CENPP: variants seen among roughly 807,000 people sequenced by gnomAD.
CENPP encodes the protein centromere protein P.
Under a neutral mutation model 35.6 loss-of-function variants are expected in CENPP, and 24 were observed. That is an observed-to-expected ratio of 0.67 (90% confidence interval 0.49 to 0.95). The LOEUF is 0.95. CENPP is among the 40% of genes least tolerant of loss of function. The pLI is 0.00. For missense variants in CENPP, 332 were observed against 345.3 expected (o/e 0.96, Z 0.31); for synonymous variants, 120 against 125.5 (o/e 0.96, Z 0.29).
intron 5 of CENPP, among the ~76,000 whole-genome samples, chr9:92,537,067 G>T (rs1292074121): frequency 6.6e-6 from 1 of 151,294 alleles, no homozygotes; most frequent in Non-Finnish European, 1.5e-5. Context: ...GTAGAGATGG[G>T]GTTTCACCAT....
intron 5 of CENPP, chr9:92,495,744 C>T (rs530585586): frequency 7.3e-5 from 68 of 932,612 alleles, no homozygotes; most frequent in Non-Finnish European, 8.3e-5. Context: ...ATTAACATTA[C>T]AGTAGTGTTT....
At chr9:92,367,909 C>T (rs1841926666) in intron 4 of CENPP, among the ~76,000 whole-genome samples, 1 of 152,204 alleles carries the variant, frequency 6.6e-6, no homozygotes, top group Non-Finnish European at 1.5e-5. Flanking sequence ...AGACAGCGCA[C>T]CTGGCCTATA....
intron 5 of CENPP, chr9:92,600,651 G>A (rs768079783): frequency 2.3e-4 from 328 of 1,429,014 alleles, no homozygotes; most frequent in Non-Finnish European, 3.0e-4. Flanking sequence ...CCCTTCTGGT[G>A]GGGGTTGTGT....
intron 5 of CENPP, chr9:92,494,192 G>A (rs1472059323): frequency 1.3e-6 from 2 of 1,579,364 alleles, no homozygotes; most frequent in Non-Finnish European, 1.7e-6. Flanking sequence ...GAATCGTTTA[G>A]TATCTGTCTC....
At chr9:92,565,431 G>A (rs544529214) in intron 5 of CENPP, among the ~76,000 whole-genome samples, 31 of 152,072 alleles carry the variant, frequency 2.0e-4, no homozygotes, top group African/African-American at 6.8e-4. Flanking sequence ...TGTTCTACAG[G>A]AAGACTAGGT....
At chr9:92,479,091 C>G (rs1042090277) in intron 5 of CENPP, among the ~76,000 whole-genome samples, 1 of 152,078 alleles carries the variant, frequency 6.6e-6, no homozygotes, top group Admixed American at 6.6e-5. Context: ...AGATGAGGAA[C>G]TGGATCAGGT....
At chr9:92,447,275 C>G (rs1844577815) in intron 5 of CENPP, among the ~76,000 whole-genome samples, 1 of 151,872 alleles carries the variant, frequency 6.6e-6, no homozygotes, top group Non-Finnish European at 1.5e-5. Flanking sequence ...AGATCACCAT[C>G]ATGTAGAATC....
chr9:92,442,398 C>CAAAAAA (rs71362387), intron 5 of CENPP, among the ~76,000 whole-genome samples: 2 of 74,490 alleles, frequency 2.7e-5, no homozygotes, highest in African/African-American at 4.4e-5. Flanking sequence ...AACTCTGTCT[C>CAAAAAA]AAAAAAAAAA....
chr9:92,499,064 T>A (rs1846522415), intron 5 of CENPP, among the ~76,000 whole-genome samples: 1 of 152,206 alleles, frequency 6.6e-6, no homozygotes, highest in Non-Finnish European at 1.5e-5. Flanking sequence ...GAGGAAGGTC[T>A]GCAGTAGGTA....
At chr9:92,464,913 A>G (rs1388051622) in intron 5 of CENPP, 1 of 1,577,576 alleles carries the variant, frequency 6.3e-7, no homozygotes. Context: ...TAAAGTAAAT[A>G]CAAACCTTTA....
intron 5 of CENPP, chr9:92,496,011 G>C: frequency 3.0e-6 from 3 of 1,004,694 alleles, no homozygotes; most frequent in Non-Finnish European, 3.6e-6. Flanking sequence ...GATTATAAAG[G>C]CTGTGTTTAT....
chr9:92,555,881 T>C (rs1162966749), intron 5 of CENPP, among the ~76,000 whole-genome samples: 1 of 152,172 alleles, frequency 6.6e-6, no homozygotes, highest in East Asian at 1.9e-4. Context: ...TTGTTGTTGT[T>C]TCAATTTCAT....
intron 5 of CENPP, among the ~76,000 whole-genome samples, chr9:92,390,579 TGTGTGTGTGC>T (rs1842632535): frequency 6.6e-6 from 1 of 151,202 alleles, no homozygotes; most frequent in Admixed American, 6.6e-5. Flanking sequence ...TGTGTGTGTG[TGTGTGTGTGC>T]GCGCGCGCGT....
At chr9:92,592,481 G>A (rs1450140594) in intron 5 of CENPP, among the ~76,000 whole-genome samples, 2 of 152,020 alleles carry the variant, frequency 1.3e-5, no homozygotes, top group African/African-American at 4.8e-5. Flanking sequence ...TGTAATTTTC[G>A]ATCATTCATC....
intron 5 of CENPP, chr9:92,517,818 G>A (rs149220459): frequency 3.1e-6 from 5 of 1,614,080 alleles, no homozygotes; most frequent in East Asian, 2.2e-5. Context: ...GGGCTCAGGC[G>A]ACCACACAGC....
At chr9:92,586,202 T>A (rs1850536969) in intron 5 of CENPP, among the ~76,000 whole-genome samples, 1 of 152,182 alleles carries the variant, frequency 6.6e-6, no homozygotes, top group Non-Finnish European at 1.5e-5. Context: ...TGCACCACCA[T>A]GCCCGGCTAA....
chr9:92,598,322 C>T (rs1850829144), intron 5 of CENPP, among the ~76,000 whole-genome samples: 1 of 152,172 alleles, frequency 6.6e-6, no homozygotes, highest in African/African-American at 2.4e-5. Flanking sequence ...TTGGCCTCAT[C>T]CCCACAACCC....
chr9:92,347,366 G>C (rs1429016856), intron 4 of CENPP, among the ~76,000 whole-genome samples: 1 of 152,200 alleles, frequency 6.6e-6, no homozygotes, highest in East Asian at 1.9e-4. Flanking sequence ...GCATATTATA[G>C]TTACTTAATA....
intron 5 of CENPP, among the ~76,000 whole-genome samples, chr9:92,570,699 G>A (rs556641426): frequency 6.4e-4 from 97 of 152,216 alleles, no homozygotes; most frequent in South Asian, 1.0e-3. Context: ...CTGTGAATCC[G>A]TCTGGTCCTG....
Sources: gnomAD v4.1 joint callset for allele counts (sites outside exome capture counted in the v4.1 genomes callset) on GRCh38, gnomAD v4.1.1 for gene constraint, MANE v1.5 for transcripts, NCBI Gene and HGNC (gene_info 2026-07-23, HGNC 2026-07-21) for gene names.